The following FERMT2 variants were observed in gnomAD, a reference collection of about 807,000 sequenced individuals.
FERMT2 encodes the protein fermitin family homolog 2.
Under a neutral mutation model 82.7 loss-of-function variants are expected in FERMT2, and 15 were observed. The observed-to-expected ratio is 0.18, with a 90% CI of 0.12 to 0.28. The LOEUF (loss-of-function observed/expected upper bound fraction) is 0.28, where lower values mean the gene tolerates loss of function less well. Ranked by LOEUF, FERMT2 falls within the 10% of genes least tolerant of loss-of-function variation. FERMT2 has a pLI of 1.00. For missense variants in FERMT2, 645 were observed against 809.4 expected (o/e 0.80, Z 2.46); for synonymous variants, 274 against 271.5 (o/e 1.01, Z -0.09).
chr14:52,920,577 C>T (rs886533877), intron 2 of FERMT2, among the ~76,000 whole-genome samples: 4 of 151,854 alleles, frequency 2.6e-5, no homozygotes, highest in African/African-American at 4.8e-5. Context: ...AAGGTTGCAG[C>T]GAGCTGTGAT....
intron 3 of FERMT2, among the ~76,000 whole-genome samples, chr14:52,905,801 G>A (rs1381268759): frequency 1.3e-5 from 2 of 152,170 alleles, no homozygotes; most frequent in East Asian, 3.8e-4. Flanking sequence ...GTTCAGCCTT[G>A]AGCATGTTCA....
At chr14:52,871,541 G>C (rs1269362019) in intron 10 of FERMT2, 1 of 152,398 alleles carries the variant, frequency 6.6e-6, no homozygotes, top group East Asian at 1.9e-4. Flanking sequence ...CCATCTACCT[G>C]CAGAAGAACC....
At chr14:52,873,032 G>T in intron 9 of FERMT2, 109 bp from the exon 10 acceptor site, 4 of 1,040,806 alleles carry the variant, frequency 3.8e-6, no homozygotes, top group Non-Finnish European at 5.7e-6. Flanking sequence ...AGTTTTACAC[G>T]TGCTGAAATT....
intron 4 of FERMT2, among the ~76,000 whole-genome samples, chr14:52,888,600 T>G (rs1886745209): frequency 6.6e-6 from 1 of 152,202 alleles, no homozygotes; most frequent in Non-Finnish European, 1.5e-5. Context: ...AGGGTTTGCT[T>G]CTAGCCATTT....
chr14:52,881,948 C>A, intron 4 of FERMT2: 2 of 387,500 alleles, frequency 5.2e-6, no homozygotes, highest in African/African-American at 2.1e-5. Context: ...AATTGTGAAT[C>A]ATAAACTGAA....
chr14:52,868,605 G>C (rs1566719107), intron 10 of FERMT2, among the ~76,000 whole-genome samples: 1 of 152,068 alleles, frequency 6.6e-6, no homozygotes, highest in African/African-American at 2.4e-5. Flanking sequence ...TTGCATTTTA[G>C]ATCTCTATGA....
chr14:52,910,974 C>G (rs1439552785), intron 3 of FERMT2, among the ~76,000 whole-genome samples: 1 of 152,020 alleles, frequency 6.6e-6, no homozygotes, highest in Admixed American at 6.6e-5. Context: ...ATCAACTAAT[C>G]CAAAATAATT....
chr14:52,869,431 C>T (rs956715624), intron 10 of FERMT2, among the ~76,000 whole-genome samples: 2 of 152,090 alleles, frequency 1.3e-5, no homozygotes, highest in Non-Finnish European at 2.9e-5. Context: ...TCCTAATGTA[C>T]AATATACAGT....
rs1345914653 is a variant in FERMT2, at chr14:52,858,392, G to GGTAA, written c.2024_2027dup (p.Ser677TyrfsTer12). The GGTAA allele has an allele frequency of 1.2e-6, 2 of 1,613,932 alleles. No homozygotes were observed. Among genetic ancestry groups the GGTAA allele is most frequent in the Admixed American group, 1.7e-5 (1 of 60,012 alleles). ...GTATTCCTATTCACACCCAACCACT[G>GGTAA]GTAAGTTTGTAGAACATCTCTTCAT... is the stretch of plus-strand genomic sequence containing the variant. On this transcript the variant is annotated frameshift_variant, in exon 15 of 15. Transcript: ENST00000341590. LOFTEE classifies it high-confidence loss of function.
intron 12 of FERMT2, 150 bp from the exon 13 acceptor site, chr14:52,860,615 C>T (rs1285228159): frequency 4.5e-6 from 3 of 671,590 alleles, no homozygotes; most frequent in Admixed American, 3.2e-5. Context: ...TACATTTGGA[C>T]ACTGTAATAA....
rs1307926357 is a variant in FERMT2 at position 52,931,925 on chromosome 14, G to A, written c.158-12569C>T. Among the ~76,000 whole-genome samples the A allele has an allele frequency of 4.6e-5, 7 of 152,200 alleles. No individual in the cohort carries two copies. In the East Asian group the frequency reaches 9.7e-4, roughly 21 times the overall value. The stretch of plus-strand genomic sequence containing the variant: ...ACGCCTGTAGTCCCAGCTACTCGGG[G>A]GGCTAAGGCAGGAGAATCACCTGAA... On this transcript the variant is annotated intron_variant, in intron 2 of 14. Transcript: ENST00000341590.
In FERMT2 at chr14:52,859,617, A is replaced by T; in HGVS notation, c.1825T>A (p.Phe609Ile). ...STGDAIKTWR[F>I]SNMKQWNVNW... ...ACATTCCACTGTTTCATGTTGCTGA[A>T]ACGCCATGTTTTAATTGCATCTCCA... Residue 609 changes from phenylalanine (F) to isoleucine (I), a missense_variant, in exon 14 of 15, where the codon TTC (phenylalanine) becomes ATC (isoleucine). Coordinates refer to ENST00000341590, the MANE Select transcript of FERMT2 (RefSeq NM_006832.3). 1 of 1,611,346 alleles carries T rather than the reference A, an allele frequency of 6.2e-7. No homozygotes were observed.
intron 2 of FERMT2, among the ~76,000 whole-genome samples, chr14:52,944,233 C>G (rs1041995712): frequency 2.6e-5 from 4 of 152,202 alleles, no homozygotes; most frequent in Admixed American, 6.5e-5. Context: ...TTAACCAAAA[C>G]TTAATTCACT....
chr14:52,924,076 T>A (rs1183579785), intron 2 of FERMT2, among the ~76,000 whole-genome samples: 1 of 152,166 alleles, frequency 6.6e-6, no homozygotes, highest in Non-Finnish European at 1.5e-5. Flanking sequence ...ACGTGCTGAA[T>A]TCGTGAATTC....
chr14:52,921,996 C>A (rs566652535), intron 2 of FERMT2, among the ~76,000 whole-genome samples: 57 of 152,162 alleles, frequency 3.7e-4, no homozygotes, highest in African/African-American at 1.3e-3. Context: ...GCTGTAAGAG[C>A]ACTATGAGTC....
chr14:52,923,471 C>T (rs1889078297), intron 2 of FERMT2, among the ~76,000 whole-genome samples: 1 of 152,018 alleles, frequency 6.6e-6, no homozygotes, highest in African/African-American at 2.4e-5. Flanking sequence ...TTATCTTGCA[C>T]TTAGATAATG....
chr14:52,870,275 G>A (rs1885536382), intron 10 of FERMT2, among the ~76,000 whole-genome samples: 1 of 148,972 alleles, frequency 6.7e-6, no homozygotes, highest in Non-Finnish European at 1.5e-5. Flanking sequence ...TGGAGACGGA[G>A]TTTCGTTCTT....
In FERMT2 at chr14:52,950,398, G is replaced by A. The variant is rs761587035; in HGVS notation, c.157+14C>T. 6.2e-7 allele frequency: 1 copy of A among 1,609,660 alleles called. No homozygotes were observed. The highest frequency in any genetic ancestry group is 1.1e-5 in the South Asian group (1 of 90,474). Reference sequence around the variant, plus strand: ...GGGAAGTCATTAGTTGGACGCGGCTGGGATGCTACTCACCGAGTTTCTCCA... The same window carrying A: ...GGGAAGTCATTAGTTGGACGCGGCTAGGATGCTACTCACCGAGTTTCTCCA... On this transcript the variant is annotated intron_variant, in intron 2 of 14. Transcript: ENST00000341590.
chr14:52,879,672 ATTAC>A (rs1478388821), intron 6 of FERMT2, among the ~76,000 whole-genome samples: 3 of 152,184 alleles, frequency 2.0e-5, no homozygotes, highest in Non-Finnish European at 4.4e-5. Context: ...TGTATAAAGA[ATTAC>A]TTAAGCATAT....
Sources: allele counts gnomAD v4.1 joint callset (sites outside exome capture counted in the v4.1 genomes callset), GRCh38; gene constraint gnomAD v4.1.1; transcripts MANE v1.5; gene names NCBI Gene and HGNC (gene_info 2026-07-23, HGNC 2026-07-21).